The following CTNNA3 variants were observed in gnomAD, a reference collection of about 807,000 sequenced individuals.
CTNNA3 encodes catenin alpha-3.
CTNNA3 carries 76 observed loss-of-function variants against 95.7 expected under a neutral mutation model. The ratio of observed to expected loss-of-function variants is 0.79; its 90% CI spans 0.66 to 0.96. The LOEUF is 0.96. CTNNA3 is among the 40% of genes least tolerant of loss of function. The probability of loss-of-function intolerance (pLI) is 0.00; values close to 1 mark genes in which losing one functional copy is unlikely to be tolerated. For synonymous variants in CTNNA3, 431 were observed against 374.4 expected (o/e 1.15, Z -1.74); for missense variants, 1,191 against 1,089.8 (o/e 1.09, Z -1.31).
At chr10:67,648,336 T>C (rs1205826130) in intron 1 of CTNNA3, among the ~76,000 whole-genome samples, 4 of 152,186 alleles carry the variant, frequency 2.6e-5, no homozygotes, top group African/African-American at 9.6e-5. Context: ...ATTAATCTAC[T>C]AAAAACTACA....
At chr10:65,939,077 T>C (rs1374300203) in intron 17 of CTNNA3, among the ~76,000 whole-genome samples, 3 of 151,894 alleles carry the variant, frequency 2.0e-5, no homozygotes, top group Non-Finnish European at 4.4e-5. Flanking sequence ...TAATTTTTTT[T>C]GTATTTTGTA....
intron 7 of CTNNA3, among the ~76,000 whole-genome samples, chr10:67,077,535 C>T (rs1856802456): frequency 6.6e-6 from 1 of 152,136 alleles, no homozygotes; most frequent in Non-Finnish European, 1.5e-5. Context: ...GTTACCTTGG[C>T]TTGAAGCATG....
At chr10:65,987,039 A>G (rs1034165197) in intron 16 of CTNNA3, among the ~76,000 whole-genome samples, 10 of 151,998 alleles carry the variant, frequency 6.6e-5, no homozygotes, top group Admixed American at 5.2e-4. Context: ...ACCTTTCACC[A>G]TATGGAAAAA....
At chr10:66,489,482 A>T (rs1479318103) in intron 11 of CTNNA3, among the ~76,000 whole-genome samples, 2 of 152,116 alleles carry the variant, frequency 1.3e-5, no homozygotes, top group African/African-American at 2.4e-5. Flanking sequence ...AAGGGGAGGA[A>T]ATTTAACGCT....
At chr10:67,685,866 T>C (rs1454188905) in intron 1 of CTNNA3, among the ~76,000 whole-genome samples, 1 of 152,082 alleles carries the variant, frequency 6.6e-6, no homozygotes, top group Non-Finnish European at 1.5e-5. Context: ...CTCTGTATCT[T>C]CCTCTCTCTG....
chr10:65,995,803 A>G (rs2078644749), intron 15 of CTNNA3, among the ~76,000 whole-genome samples: 1 of 152,144 alleles, frequency 6.6e-6, no homozygotes, highest in African/African-American at 2.4e-5. Flanking sequence ...CCTGCGCTTA[A>G]GCACCTGAAA....
At chr10:66,284,966 G>A (rs1319421062) in intron 12 of CTNNA3, among the ~76,000 whole-genome samples, 1 of 151,444 alleles carries the variant, frequency 6.6e-6, no homozygotes, top group Admixed American at 6.6e-5. Flanking sequence ...AATTATTGTG[G>A]TTCATATATA....
At chr10:66,418,889 C>A (rs1224553802) in intron 11 of CTNNA3, among the ~76,000 whole-genome samples, 1 of 151,942 alleles carries the variant, frequency 6.6e-6, no homozygotes, top group African/African-American at 2.4e-5. Context: ...AAAATAAAGT[C>A]CATATATGTC....
chr10:66,480,661 G>A (rs927829460), intron 11 of CTNNA3, among the ~76,000 whole-genome samples: 1 of 152,046 alleles, frequency 6.6e-6, no homozygotes, highest in Non-Finnish European at 1.5e-5. Flanking sequence ...CTGGAGTGCA[G>A]TGGCGCAATC....
chr10:66,900,685 G>T (rs1444222853), intron 7 of CTNNA3, among the ~76,000 whole-genome samples: 1 of 152,064 alleles, frequency 6.6e-6, no homozygotes, highest in South Asian at 2.1e-4. Flanking sequence ...GACCTTCAAT[G>T]GCCTGATGGA....
intron 2 of CTNNA3, among the ~76,000 whole-genome samples, chr10:67,620,053 C>A (rs1843777605): frequency 6.6e-6 from 1 of 151,878 alleles, no homozygotes; most frequent in South Asian, 2.1e-4. Flanking sequence ...CCTGAGTTCA[C>A]CATGGTGAAG....
At chr10:66,780,432 T>C (rs533122581) in intron 7 of CTNNA3, among the ~76,000 whole-genome samples, 64 of 152,192 alleles carry the variant, frequency 4.2e-4, no homozygotes, top group South Asian at 6.2e-4. Context: ...GGAGGATGAC[T>C]GGCAGATGCT....
At chr10:66,826,023 T>C (rs552152505) in intron 7 of CTNNA3, among the ~76,000 whole-genome samples, 52 of 152,316 alleles carry the variant, frequency 3.4e-4, no homozygotes, top group African/African-American at 1.2e-3. Flanking sequence ...CCAAGTGTCA[T>C]TTAGAATGGA....
chr10:67,653,101 G>T (rs1839923731), intron 1 of CTNNA3, among the ~76,000 whole-genome samples: 1 of 152,198 alleles, frequency 6.6e-6, no homozygotes, highest in South Asian at 2.1e-4. Flanking sequence ...CAGCTTCTAG[G>T]GAGGCCTCAG....
At chr10:66,153,925 G>A (rs2084341978) in intron 13 of CTNNA3, among the ~76,000 whole-genome samples, 1 of 150,378 alleles carries the variant, frequency 6.6e-6, no homozygotes, top group African/African-American at 2.4e-5. Context: ...TTTGTTTATA[G>A]TTGTGATCTG....
chr10:67,136,043 T>C (rs1860292206), intron 7 of CTNNA3, among the ~76,000 whole-genome samples: 1 of 152,128 alleles, frequency 6.6e-6, no homozygotes, highest in Non-Finnish European at 1.5e-5. Flanking sequence ...AACTTTTCCT[T>C]TATTTTTTAT....
chr10:66,479,113 A>G (rs1423846704), intron 11 of CTNNA3, among the ~76,000 whole-genome samples: 1 of 151,786 alleles, frequency 6.6e-6, no homozygotes, highest in Non-Finnish European at 1.5e-5. Flanking sequence ...ACATTTTTTA[A>G]TATTTCTAGA....
chr10:66,709,833 T>C (rs753072444), intron 9 of CTNNA3, among the ~76,000 whole-genome samples: 1 of 152,088 alleles, frequency 6.6e-6, no homozygotes, highest in Non-Finnish European at 1.5e-5. Context: ...ACATGGCTGA[T>C]TATGAGCCTC....
chr10:67,104,657 ACAAG>A (rs142038202), intron 7 of CTNNA3, among the ~76,000 whole-genome samples: 2,613 of 152,070 alleles, frequency 0.017, 79 homozygotes, highest in East Asian at 0.11. Context: ...CCTGAACTCC[ACAAG>A]TGCAAGTAAT....
Sources: allele counts gnomAD v4.1 joint callset (sites outside exome capture counted in the v4.1 genomes callset), GRCh38; gene constraint gnomAD v4.1.1; transcripts MANE v1.5; gene names NCBI Gene and HGNC (gene_info 2026-07-23, HGNC 2026-07-21).